The following CACNG5 variants were observed in gnomAD, a reference collection of about 807,000 sequenced individuals.
CACNG5 encodes calcium voltage-gated channel auxiliary subunit gamma 5.
Under a neutral mutation model 24.8 loss-of-function variants are expected in CACNG5, and 18 were observed. That is an observed-to-expected ratio of 0.73 (90% CI 0.50 to 1.08). The LOEUF (loss-of-function observed/expected upper bound fraction) is 1.08, where lower values mean the gene tolerates loss of function less well. Among genes scored for constraint, CACNG5 ranks in the 50% least tolerant of loss-of-function variants. The pLI is 0.00. For synonymous variants in CACNG5, 157 were observed against 149.1 expected (o/e 1.05, Z -0.39); for missense variants, 349 against 367.9 (o/e 0.95, Z 0.42).
rs1022524367 is a variant in CACNG5 at position 66,890,922 on chromosome 17, G to A, written c.*5682G>A. 1.3e-5 allele frequency among the ~76,000 whole-genome samples: 2 copies of A among 152,178 alleles called. No homozygotes were observed. Among genetic ancestry groups the A allele is most frequent in the African/African-American group, 4.8e-5 (2 of 41,426 alleles). ...AGATGACAACACTCCAAAGAATGTGGAATTTAGCTAAGAGATCAGATACTT... is the reference window on the plus strand; with the variant it reads ...AGATGACAACACTCCAAAGAATGTGAAATTTAGCTAAGAGATCAGATACTT... On this transcript the variant is annotated 3_prime_UTR_variant, in exon 6 of 6. Transcript: ENST00000533854.
At chr17:66,861,000 C>T (rs1388641223) in intron 1 of CACNG5, among the ~76,000 whole-genome samples, 2 of 150,398 alleles carry the variant, frequency 1.3e-5, no homozygotes, top group Non-Finnish European at 3.0e-5. Flanking sequence ...AATACATAAG[C>T]ATTTTATATA....
At chr17:66,862,227 C>A (rs1156259689) in intron 1 of CACNG5, among the ~76,000 whole-genome samples, 1 of 152,098 alleles carries the variant, frequency 6.6e-6, no homozygotes, top group African/African-American at 2.4e-5. Context: ...TGGAAAAAGG[C>A]AGAATTTTTT....
intron 1 of CACNG5, among the ~76,000 whole-genome samples, chr17:66,874,764 T>C (rs1977052280): frequency 6.6e-6 from 1 of 152,146 alleles, no homozygotes; most frequent in Non-Finnish European, 1.5e-5. Context: ...TTCCCAAGCT[T>C]ACATGGATCT....
chr17:66,880,905 A>G (rs1433573092), intron 4 of CACNG5, among the ~76,000 whole-genome samples: 1 of 152,036 alleles, frequency 6.6e-6, no homozygotes, highest in African/African-American at 2.4e-5. Context: ...CACCTGGCTA[A>G]TTTTTGTATT....
At chr17:66,880,433 AC>A in intron 3 of CACNG5, 123 bp from the exon 4 acceptor site, 1 of 1,149,184 alleles carries the variant, frequency 8.7e-7, no homozygotes, top group East Asian at 2.5e-5. Flanking sequence ...AGTCTGGGGA[AC>A]CCCTGCAGGG....
At position 66,865,934 on chromosome 17, in the gene CACNG5, C is replaced by T. The variant is rs377028822; in HGVS notation, c.-103-11296C>T. On this transcript the variant is annotated intron_variant, in intron 1 of 5. Transcript: ENST00000533854. ...GGGATTACAGGCATGAGCCACCGCA[C>T]CCGGCCAAGTCTGACAAAATTTCTA... 5.3e-5 allele frequency among the ~76,000 whole-genome samples: 8 copies of T among 151,964 alleles called. 1 individual carries two copies. The highest frequency in any genetic ancestry group is 1.9e-4 in the African/African-American group (8 of 41,426).
intron 4 of CACNG5, among the ~76,000 whole-genome samples, chr17:66,883,545 A>G (rs921188192): frequency 6.6e-6 from 1 of 152,264 alleles, no homozygotes; most frequent in Non-Finnish European, 1.5e-5. Flanking sequence ...CTACTAATTG[A>G]TAGAACTGAT....
chr17:66,855,054 C>T (rs1349374539), intron 1 of CACNG5, among the ~76,000 whole-genome samples: 1 of 152,198 alleles, frequency 6.6e-6, no homozygotes, highest in Non-Finnish European at 1.5e-5. Context: ...TTCTTACATA[C>T]TGCAGGTGGT....
At chr17:66,838,441 G>C (rs1011263754) in intron 1 of CACNG5, among the ~76,000 whole-genome samples, 6 of 151,434 alleles carry the variant, frequency 4.0e-5, no homozygotes, top group African/African-American at 1.5e-4. Context: ...AGAATTGAGA[G>C]TCCCTGCTCA....
In CACNG5 at chr17:66,876,002, T is replaced by C. The variant is rs192875979; in HGVS notation, c.-103-1228T>C. 2.2e-3 allele frequency among the ~76,000 whole-genome samples: 335 copies of C among 152,302 alleles called. 6 individuals are homozygous for C. Among genetic ancestry groups the C allele is most frequent in the Non-Finnish European group, 5.1e-4 (35 of 68,020 alleles). ...GTTGCTACATTACAATGCCATCAAC[T>C]GTTTGCTTGGCACAGCACTTCTCAG... is the stretch of plus-strand genomic sequence containing the variant. On this transcript the variant is annotated intron_variant, in intron 1 of 5. Transcript: ENST00000533854.
At chr17:66,845,482 T>C (rs367765729) in intron 1 of CACNG5, among the ~76,000 whole-genome samples, 1 of 147,912 alleles carries the variant, frequency 6.8e-6, no homozygotes, top group African/African-American at 2.6e-5. Context: ...AACAAAAAAC[T>C]ATCCTATATA....
Position 66,885,703 on chromosome 17 carries a change from C to T in CACNG5, c.*463C>T, listed in dbSNP as rs1977249556. On this transcript the variant is annotated 3_prime_UTR_variant, in exon 6 of 6. Coordinates refer to ENST00000533854, the MANE Select transcript of CACNG5 (RefSeq NM_145811.3). ...CACATTCAAGATCTGCACCATCTGG[C>T]CGAAAGGTGACTCTGATATAGAGGT... 6.6e-6 allele frequency among the ~76,000 whole-genome samples: 1 copy of T among 152,246 alleles called. No homozygotes were observed. The highest frequency in any genetic ancestry group is 2.1e-4 in the South Asian group (1 of 4,834).
chr17:66,864,136 T>A (rs545797503), intron 1 of CACNG5, among the ~76,000 whole-genome samples: 1 of 152,350 alleles, frequency 6.6e-6, no homozygotes, highest in African/African-American at 2.4e-5. Context: ...TAGAATCCTG[T>A]TGGCAATCTG....
chr17:66,881,828 G>T (rs143120327), intron 4 of CACNG5, among the ~76,000 whole-genome samples: 1 of 152,104 alleles, frequency 6.6e-6, no homozygotes, highest in Non-Finnish European at 1.5e-5. Flanking sequence ...TGGAAAATGG[G>T]CCTGGAGGAA....
At chr17:66,861,225 A>G (rs1976853155) in intron 1 of CACNG5, among the ~76,000 whole-genome samples, 1 of 152,232 alleles carries the variant, frequency 6.6e-6, no homozygotes, top group Non-Finnish European at 1.5e-5. Flanking sequence ...AATGACATCA[A>G]GTGGTAACTC....
At chr17:66,843,306 C>G (rs1976591804) in intron 1 of CACNG5, among the ~76,000 whole-genome samples, 1 of 152,116 alleles carries the variant, frequency 6.6e-6, no homozygotes, top group Admixed American at 6.5e-5. Context: ...AGGCACCAAA[C>G]AAAGGAGGGG....
At chr17:66,865,689 G>A (rs892814243) in intron 1 of CACNG5, among the ~76,000 whole-genome samples, 8 of 150,994 alleles carry the variant, frequency 5.3e-5, no homozygotes, top group African/African-American at 2.0e-4. Context: ...CAGTGTAGTG[G>A]CGCGATCTCA....
intron 3 of CACNG5, 98 bp from the exon 4 acceptor site, chr17:66,880,459 A>G (rs1977142331): frequency 6.8e-7 from 1 of 1,474,142 alleles, no homozygotes; most frequent in Admixed American, 1.8e-5. Flanking sequence ...GGCTTTGAGG[A>G]CCAGTTGGTA....
At chr17:66,858,247 G>C (rs1410082559) in intron 1 of CACNG5, among the ~76,000 whole-genome samples, 1 of 152,112 alleles carries the variant, frequency 6.6e-6, no homozygotes, top group Non-Finnish European at 1.5e-5. Context: ...GCCATCTTCT[G>C]AGGCCCAGTA....
Sources: gnomAD v4.1 joint callset for allele counts (sites outside exome capture counted in the v4.1 genomes callset) on GRCh38, gnomAD v4.1.1 for gene constraint, MANE v1.5 for transcripts, NCBI Gene and HGNC (gene_info 2026-07-23, HGNC 2026-07-21) for gene names.